VAV2: variants seen among roughly 807,000 people sequenced by gnomAD.
VAV2 encodes guanine nucleotide exchange factor VAV2.
In VAV2, 67 loss-of-function variants were observed where a neutral mutation model predicts 132.5. The observed-to-expected ratio is 0.51, with a 90% confidence interval of 0.42 to 0.62. The LOEUF (loss-of-function observed/expected upper bound fraction) is 0.62, where lower values mean the gene tolerates loss of function less well. Ranked by LOEUF, VAV2 falls within the 20% of genes least tolerant of loss-of-function variation. The pLI is 0.00. For missense variants in VAV2, 938 were observed against 1,153.6 expected, an observed-to-expected ratio of 0.81 and a Z score of 2.71; for synonymous variants, 492 against 443.5, an observed-to-expected ratio of 1.11 and a Z score of -1.37.
Position 133,810,190 on chromosome 9 carries a change from C to T in VAV2, c.567+1G>A. The T allele has an allele frequency of 6.2e-7, 1 of 1,613,466 alleles. No individual in the cohort carries two copies. The highest frequency in any genetic ancestry group is 1.1e-5 in the South Asian group (1 of 91,076). ...CCAGCCTCCCCTTCCGGGCCACTCA[C>T]CTGCATGTATCTAATCTGCAAGCGT... On this transcript the variant is annotated splice_donor_variant, in intron 6 of 29. Transcript: ENST00000371850. LOFTEE classifies it high-confidence loss of function.
intron 3 of VAV2, among the ~76,000 whole-genome samples, chr9:133,859,099 G>C (rs535031830): frequency 1.3e-5 from 2 of 152,142 alleles, no homozygotes; most frequent in Admixed American, 6.5e-5. Context: ...GGGGACGGAG[G>C]GGGTGGCCCG....
intron 3 of VAV2, among the ~76,000 whole-genome samples, chr9:133,835,902 C>T (rs562927099): frequency 1.2e-3 from 186 of 152,324 alleles, no homozygotes; most frequent in Admixed American, 2.0e-3. Context: ...TGTCCAAGGG[C>T]GCAGCACGGC....
intron 2 of VAV2, among the ~76,000 whole-genome samples, chr9:133,933,389 A>C (rs778306488): frequency 1.2e-4 from 18 of 152,276 alleles, no homozygotes; most frequent in African/African-American, 3.6e-4. Context: ...TTATATGCTT[A>C]ACAGAATGAT....
In VAV2 at chr9:133,777,568, G is replaced by A. The variant is rs1833860849; in HGVS notation, c.1891-105C>T. The A allele has an allele frequency of 9.6e-6, 11 of 1,150,646 alleles. No homozygotes were observed. In the East Asian group the frequency reaches 2.6e-4, roughly 27 times the overall value. 71.3% of individuals were successfully genotyped at this position (1,150,646 alleles called of 1,614,324 possible). On this transcript the variant is annotated intron_variant, in intron 22 of 29. Coordinates refer to ENST00000371850, the MANE Select transcript of VAV2 (RefSeq NM_001134398.2). ...CGTATGCCAATCCCGCTCCTGGAGG[G>A]TGGGAGAGCCAATGTCTTCTTTCCC... is the stretch of plus-strand genomic sequence containing the variant.
chr9:133,787,137 C>A, intron 16 of VAV2, 109 bp downstream of exon 16: 1 of 1,283,158 alleles, frequency 7.8e-7, no homozygotes, highest in Non-Finnish European at 1.0e-6. Flanking sequence ...CCAAGAAAAC[C>A]CTGAGCCCAG....
At chr9:133,917,441 C>CTTTTTTTTTTTTTTTTTTTTTTTTT (rs56141918) in intron 2 of VAV2, among the ~76,000 whole-genome samples, 1 of 132,610 alleles carries the variant, frequency 7.5e-6, no homozygotes, top group African/African-American at 3.3e-5. Context: ...AAAACTCTTT[C>CTTTTTTTTTTTTTTTTTTTTTTTTT]TTTTTTTTTT....
chr9:133,899,435 G>T (rs934998967), intron 2 of VAV2, among the ~76,000 whole-genome samples: 2 of 151,698 alleles, frequency 1.3e-5, no homozygotes, highest in African/African-American at 4.8e-5. Flanking sequence ...ATGAGATGGG[G>T]TCTCGCTCTG....
intron 4 of VAV2, among the ~76,000 whole-genome samples, chr9:133,832,898 G>A (rs1176000644): frequency 6.6e-6 from 1 of 152,082 alleles, no homozygotes; most frequent in African/African-American, 2.4e-5. Context: ...AGGCTGGTCA[G>A]GGTGGACAGT....
chr9:133,876,618 T>C (rs1838276485), intron 2 of VAV2, among the ~76,000 whole-genome samples: 1 of 152,030 alleles, frequency 6.6e-6, no homozygotes, highest in Non-Finnish European at 1.5e-5. Flanking sequence ...AGGCTGGTGT[T>C]TGAGAGATGC....
intron 2 of VAV2, among the ~76,000 whole-genome samples, chr9:133,910,009 C>T (rs1366479343): frequency 3.3e-5 from 5 of 152,228 alleles, no homozygotes; most frequent in Middle Eastern, 3.4e-3. Context: ...ACGAGCCACA[C>T]GAGCTATGCC....
At chr9:133,940,690 T>C (rs927258155) in intron 1 of VAV2, among the ~76,000 whole-genome samples, 49 of 151,640 alleles carry the variant, frequency 3.2e-4, no homozygotes, top group African/African-American at 8.7e-4. Flanking sequence ...TGTGTGTGTG[T>C]GTGTGTGTGT....
chr9:133,805,944 G>C, intron 9 of VAV2, 137 bp downstream of exon 9: 2 of 919,222 alleles, frequency 2.2e-6, no homozygotes, highest in South Asian at 1.7e-5. Context: ...TCCTCAACAA[G>C]GGAGGACGGG....
chr9:133,980,003 T>C (rs1842644253), intron 1 of VAV2, among the ~76,000 whole-genome samples: 1 of 152,172 alleles, frequency 6.6e-6, no homozygotes, highest in Non-Finnish European at 1.5e-5. Context: ...TTTCTGCCTC[T>C]GCGGCTCAAT....
At chr9:133,843,871 G>A (rs1007899501) in intron 3 of VAV2, among the ~76,000 whole-genome samples, 1 of 152,154 alleles carries the variant, frequency 6.6e-6, no homozygotes, top group African/African-American at 2.4e-5. Context: ...ATGGAGTGGC[G>A]GGTTGGAAGG....
At chr9:133,978,127 T>C (rs1842574971) in intron 1 of VAV2, among the ~76,000 whole-genome samples, 2 of 152,154 alleles carry the variant, frequency 1.3e-5, no homozygotes, top group African/African-American at 4.8e-5. Context: ...TGTTCGAGGG[T>C]GAGGCCAGGA....
chr9:133,982,671 G>A (rs1188143554), intron 1 of VAV2, among the ~76,000 whole-genome samples: 3 of 152,114 alleles, frequency 2.0e-5, no homozygotes, highest in Non-Finnish European at 2.9e-5. Context: ...AGGGCGCGCC[G>A]CCTGGTTTTG....
chr9:133,868,070 A>C (rs925182343), intron 2 of VAV2, among the ~76,000 whole-genome samples: 1 of 152,224 alleles, frequency 6.6e-6, no homozygotes, highest in Admixed American at 6.5e-5. Flanking sequence ...GGCTTCTCCA[A>C]TGATTGTTAA....
chr9:133,990,324 T>C (rs1842976384), intron 1 of VAV2, among the ~76,000 whole-genome samples: 1 of 152,104 alleles, frequency 6.6e-6, no homozygotes, highest in East Asian at 1.9e-4. Flanking sequence ...TCAGGGTTCG[T>C]ATTGCTGCCT....
chr9:133,810,856 C>T (rs994701085), intron 5 of VAV2, among the ~76,000 whole-genome samples: 4 of 152,240 alleles, frequency 2.6e-5, no homozygotes, highest in African/African-American at 9.6e-5. Context: ...CCCCACACAA[C>T]CTCACAGGCA....
Sources: gnomAD v4.1 joint callset for allele counts (sites outside exome capture counted in the v4.1 genomes callset) on GRCh38, gnomAD v4.1.1 for gene constraint, MANE v1.5 for transcripts, NCBI Gene and HGNC (gene_info 2026-07-23, HGNC 2026-07-21) for gene names.